POU2AF3: variants seen among roughly 807,000 people sequenced by gnomAD.
POU2AF3 encodes the protein POU class 2 homeobox associating factor 3, also known as cancer susceptibility candidate 13.
chr11:111,299,812 G>C, the POU2AF3 span: 2 of 1,008,684 alleles, frequency 2.0e-6, no homozygotes, highest in African/African-American at 3.3e-5. Context: ...GCGGAGAAAA[G>C]GGACGAGGGA....
chr11:111,299,072 C>A, the POU2AF3 span: 2 of 986,620 alleles, frequency 2.0e-6, no homozygotes, highest in Non-Finnish European at 1.2e-6. Flanking sequence ...GGCTGGAGCG[C>A]GGAGAGGGCG....
At chr11:111,306,727 G>A in the POU2AF3 span, 1 of 853,026 alleles carries the variant, frequency 1.2e-6, no homozygotes, top group African/African-American at 1.7e-5. Flanking sequence ...AAAACTATCA[G>A]CAAGGAAATC....
chr11:111,304,835 C>A, the POU2AF3 span: 2 of 677,058 alleles, frequency 3.0e-6, no homozygotes, highest in Non-Finnish European at 4.2e-6. Context: ...TACCTTATAG[C>A]AGAAAGAAAC....
chr11:111,304,851 C>A, the POU2AF3 span: 1 of 769,898 alleles, frequency 1.3e-6, no homozygotes, highest in South Asian at 6.6e-5. Context: ...GAAACATAGT[C>A]CTCATCAAAA....
chr11:111,307,316 TA>T, the POU2AF3 span, among the ~76,000 whole-genome samples: 5 of 152,272 alleles, frequency 3.3e-5, no homozygotes, highest in African/African-American at 1.2e-4. Flanking sequence ...GTTTGTTTTG[TA>T]AACCTTAAAT....
the POU2AF3 span, chr11:111,298,827 C>CGGGGCCG: frequency 1.6e-6 from 1 of 631,568 alleles, no homozygotes; most frequent in Non-Finnish European, 2.2e-6. Context: ...GTACCCCAGG[C>CGGGGCCG]CCCCGCCCGC....
At chr11:111,308,130 C>T in the POU2AF3 span, 1 of 1,549,792 alleles carries the variant, frequency 6.5e-7, no homozygotes, top group Admixed American at 2.0e-5. Flanking sequence ...AGTTACTCGC[C>T]AGTGCAGCTG....
At chr11:111,299,385 C>T in the POU2AF3 span, 761 of 998,856 alleles carry the variant, frequency 7.6e-4, no homozygotes, top group Non-Finnish European at 8.6e-4. Context: ...CCTGCGGCCA[C>T]CTCCACCTTG....
the POU2AF3 span, chr11:111,299,246 C>T: frequency 8.1e-6 from 8 of 986,210 alleles, no homozygotes; most frequent in Non-Finnish European, 8.4e-6. Flanking sequence ...CGCTGGCATC[C>T]TGGCACTATC....
the POU2AF3 span, chr11:111,305,061 G>T: frequency 1.1e-6 from 1 of 916,094 alleles, no homozygotes; most frequent in South Asian, 5.5e-5. Flanking sequence ...TCTTGATTCA[G>T]GGGTTAAGAT....
the POU2AF3 span, chr11:111,306,725 C>T: frequency 1.1e-6 from 1 of 872,394 alleles, no homozygotes; most frequent in Non-Finnish European, 1.8e-6. Context: ...CAAAAACTAT[C>T]AGCAAGGAAA....
chr11:111,308,186 A>G, the POU2AF3 span: 1 of 1,551,768 alleles, frequency 6.4e-7, no homozygotes, highest in Non-Finnish European at 8.7e-7. Flanking sequence ...TTCTCTGGAC[A>G]CCAGAACCTG....
chr11:111,308,350 C>G, the POU2AF3 span: 3 of 1,551,758 alleles, frequency 1.9e-6, no homozygotes, highest in Non-Finnish European at 2.6e-6. Context: ...TCTACCCGAG[C>G]ACAGACTGTG....
chr11:111,304,883 G>A, the POU2AF3 span: 6 of 1,143,360 alleles, frequency 5.2e-6, no homozygotes, highest in East Asian at 6.4e-5. Context: ...TCCCTTCAGA[G>A]CATTTCTTTC....
the POU2AF3 span, chr11:111,306,280 T>C: frequency 4.0e-6 from 2 of 496,868 alleles, no homozygotes; most frequent in African/African-American, 4.0e-5. Context: ...TTTTCTGGAT[T>C]TGTTAAGCCC....
chr11:111,302,729 A>G, the POU2AF3 span, among the ~76,000 whole-genome samples: 1 of 152,228 alleles, frequency 6.6e-6, no homozygotes, highest in Non-Finnish European at 1.5e-5. Context: ...TTAAGACTGC[A>G]TCAGCCTATG....
At chr11:111,301,643 C>A in the POU2AF3 span, among the ~76,000 whole-genome samples, 1 of 152,146 alleles carries the variant, frequency 6.6e-6, no homozygotes, top group South Asian at 2.1e-4. Flanking sequence ...TCAGTTCCTC[C>A]ATGGTGTGTA....
At chr11:111,305,104 CAG>C in the POU2AF3 span, 1 of 510,954 alleles carries the variant, frequency 2.0e-6, no homozygotes, top group Admixed American at 4.4e-5. Context: ...TCCAACCAAT[CAG>C]AAGGTGAAAA....
At chr11:111,305,112 GAA>G in the POU2AF3 span, 2 of 466,666 alleles carry the variant, frequency 4.3e-6, no homozygotes. Context: ...ATCAGAAGGT[GAA>G]AAAGGCATAG....
Sources: allele counts gnomAD v4.1 joint callset (sites outside exome capture counted in the v4.1 genomes callset), GRCh38; gene constraint gnomAD v4.1.1; transcripts MANE v1.5; gene names NCBI Gene and HGNC (gene_info 2026-07-23, HGNC 2026-07-21).